POFUT3: variants seen among roughly 807,000 people sequenced by gnomAD.
POFUT3 encodes protein O-fucosyltransferase 3.
the POFUT3 span, among the ~76,000 whole-genome samples, chr8:33,471,417 A>C: frequency 6.6e-6 from 1 of 151,914 alleles, no homozygotes; most frequent in South Asian, 2.1e-4. Flanking sequence ...GAGCCCAGCT[A>C]ATTTTTGTAT....
chr8:33,396,131 TAG>T, the POFUT3 span, among the ~76,000 whole-genome samples: 1 of 152,114 alleles, frequency 6.6e-6, no homozygotes, highest in Non-Finnish European at 1.5e-5. Flanking sequence ...GAGTGCTGGC[TAG>T]AGAGTTCTTG....
At chr8:33,315,977 ACTGT>A in the POFUT3 span, among the ~76,000 whole-genome samples, 7 of 152,060 alleles carry the variant, frequency 4.6e-5, no homozygotes, top group Non-Finnish European at 1.0e-4. Flanking sequence ...ATTTCCTGAT[ACTGT>A]CTAATTGTGG....
chr8:33,466,365 G>A, the POFUT3 span, among the ~76,000 whole-genome samples: 1 of 152,016 alleles, frequency 6.6e-6, no homozygotes, highest in African/African-American at 2.4e-5. Context: ...GGAGTTCAAG[G>A]CTGCACTGAG....
At chr8:33,416,908 T>C in the POFUT3 span, among the ~76,000 whole-genome samples, 42,934 of 151,514 alleles carry the variant, frequency 0.28, 6,244 homozygotes, top group South Asian at 0.44. Flanking sequence ...CCTCAAATTC[T>C]AATCTTCCTT....
At chr8:33,467,028 C>T in the POFUT3 span, among the ~76,000 whole-genome samples, 13 of 152,136 alleles carry the variant, frequency 8.5e-5, no homozygotes, top group Non-Finnish European at 5.9e-5. Context: ...ATTGCTTGAA[C>T]CCAGGAGGCA....
At chr8:33,342,369 G>C in the POFUT3 span, among the ~76,000 whole-genome samples, 1 of 148,998 alleles carries the variant, frequency 6.7e-6, no homozygotes, top group Admixed American at 6.7e-5. Context: ...CACAAAAAAA[G>C]AAAACTGACA....
chr8:33,395,672 CT>C, the POFUT3 span, among the ~76,000 whole-genome samples: 2 of 152,248 alleles, frequency 1.3e-5, no homozygotes, highest in East Asian at 3.9e-4. Context: ...CTCCACTGAG[CT>C]GTTTAACACT....
At chr8:33,320,231 T>G in the POFUT3 span, among the ~76,000 whole-genome samples, 1 of 152,040 alleles carries the variant, frequency 6.6e-6, no homozygotes, top group African/African-American at 2.4e-5. Flanking sequence ...CACATTTTTG[T>G]GTTCACTTCT....
At chr8:33,353,290 G>A in the POFUT3 span, among the ~76,000 whole-genome samples, 1 of 152,176 alleles carries the variant, frequency 6.6e-6, no homozygotes, top group Admixed American at 6.5e-5. Flanking sequence ...TAAAATTAAA[G>A]CCCAGTGCAA....
At chr8:33,393,035 A>G in the POFUT3 span, among the ~76,000 whole-genome samples, 1 of 152,082 alleles carries the variant, frequency 6.6e-6, no homozygotes, top group African/African-American at 2.4e-5. Context: ...AAACTACTTC[A>G]CTGGGGATAT....
chr8:33,453,856 AGG>A, the POFUT3 span, among the ~76,000 whole-genome samples: 1 of 152,118 alleles, frequency 6.6e-6, no homozygotes, highest in Non-Finnish European at 1.5e-5. Context: ...AGGCTGAGTC[AGG>A]AGAATCGAAT....
chr8:33,386,805 G>A, the POFUT3 span, among the ~76,000 whole-genome samples: 2 of 152,076 alleles, frequency 1.3e-5, no homozygotes, highest in Non-Finnish European at 2.9e-5. Flanking sequence ...GGGAGATTCC[G>A]TCTCAAAAAA....
the POFUT3 span, among the ~76,000 whole-genome samples, chr8:33,415,931 G>C: frequency 1.3e-5 from 2 of 152,150 alleles, no homozygotes; most frequent in African/African-American, 4.8e-5. Context: ...AGTTTTTTTA[G>C]TGCCTTACTC....
At chr8:33,388,898 C>G in the POFUT3 span, 1 of 1,254,072 alleles carries the variant, frequency 8.0e-7, no homozygotes, top group East Asian at 2.3e-5. Flanking sequence ...GAAGGAAATG[C>G]AGGAGAGCAG....
chr8:33,422,223 C>T, the POFUT3 span, among the ~76,000 whole-genome samples: 8 of 150,970 alleles, frequency 5.3e-5, no homozygotes, highest in African/African-American at 2.0e-4. Context: ...AGGAAGTGCG[C>T]CTTGTTTCCC....
the POFUT3 span, among the ~76,000 whole-genome samples, chr8:33,385,177 C>T: frequency 6.6e-6 from 1 of 152,306 alleles, no homozygotes; most frequent in South Asian, 2.1e-4. Context: ...CCCAGTGACC[C>T]GCTTGCTTAT....
the POFUT3 span, among the ~76,000 whole-genome samples, chr8:33,455,187 T>C: frequency 6.6e-6 from 1 of 152,166 alleles, no homozygotes; most frequent in African/African-American, 2.4e-5. Flanking sequence ...GTTACCAACA[T>C]AGTAGACCAT....
chr8:33,372,803 C>T, the POFUT3 span: 1 of 1,613,070 alleles, frequency 6.2e-7, no homozygotes, highest in African/African-American at 1.3e-5. Flanking sequence ...GGGTGGTAAG[C>T]CCTGCAGGAA....
chr8:33,349,445 C>A, the POFUT3 span, among the ~76,000 whole-genome samples: 1 of 152,158 alleles, frequency 6.6e-6, no homozygotes, highest in South Asian at 2.1e-4. Flanking sequence ...TCCTACCCTT[C>A]GCACTAAGAC....
Sources: gnomAD v4.1 joint callset for allele counts (sites outside exome capture counted in the v4.1 genomes callset) on GRCh38, gnomAD v4.1.1 for gene constraint, MANE v1.5 for transcripts, NCBI Gene and HGNC (gene_info 2026-07-23, HGNC 2026-07-21) for gene names.